The following GPHN variants were observed in gnomAD, a reference collection of about 807,000 sequenced individuals.
GPHN encodes gephyrin.
Under a neutral mutation model 95.5 loss-of-function variants are expected in GPHN, and 17 were observed. The observed-to-expected ratio is 0.18, with a 90% CI of 0.12 to 0.27. GPHN has a LOEUF of 0.27. GPHN is among the 10% of genes least tolerant of loss of function. GPHN has a pLI of 1.00. For synonymous variants in GPHN, 320 were observed against 322.5 expected (o/e 0.99, Z 0.08); for missense variants, 660 against 978.1 (o/e 0.67, Z 4.34).
intron 4 of GPHN, among the ~76,000 whole-genome samples, chr14:66,855,912 C>A (rs1596161553): frequency 2.0e-5 from 3 of 152,156 alleles, no homozygotes; most frequent in South Asian, 4.2e-4. Flanking sequence ...AGCCATTTGC[C>A]TAACATTAGG....
the GPHN span, among the ~76,000 whole-genome samples, chr14:67,273,742 G>C: frequency 5.3e-5 from 8 of 152,322 alleles, no homozygotes; most frequent in South Asian, 1.4e-3. Context: ...CCCAGCAACA[G>C]TGTAAAAGTG....
intron 9 of GPHN, among the ~76,000 whole-genome samples, chr14:67,020,906 T>TC (rs1260532969): frequency 6.6e-6 from 1 of 152,034 alleles, no homozygotes; most frequent in African/African-American, 2.4e-5. Context: ...TTCCTTTTTT[T>TC]CCCATAGAGT....
chr14:67,693,096 T>G, the GPHN span: 2 of 1,374,052 alleles, frequency 1.5e-6, no homozygotes, highest in Non-Finnish European at 2.1e-6. Context: ...CATTCTACTG[T>G]CTCAGCCAGT....
the GPHN span, among the ~76,000 whole-genome samples, chr14:67,597,302 A>T: frequency 6.6e-6 from 1 of 152,152 alleles, no homozygotes; most frequent in South Asian, 2.1e-4. Context: ...ACCTAGTGAG[A>T]CCCTGTCTCT....
chr14:67,257,524 A>C, the GPHN span, among the ~76,000 whole-genome samples: 1 of 152,296 alleles, frequency 6.6e-6, no homozygotes, highest in African/African-American at 2.4e-5. Context: ...GTGAGACACA[A>C]CTTGTGGAGA....
At position 66,962,337 on chromosome 14, in the gene GPHN, GTTTTTT is replaced by G. The variant is rs1244757295; in HGVS notation, c.829-2848_829-2843del. 2.2e-5 allele frequency among the ~76,000 whole-genome samples: 3 copies of G among 138,058 alleles called. No homozygotes were observed. The South Asian group carries it at 7.0e-4, about 32-fold the overall frequency. 90.6% of individuals were successfully genotyped at this position (138,058 alleles called of 152,430 possible). A position where few individuals can be genotyped will look rare whatever the true frequency, so the allele number is the denominator to read the frequency against. On this transcript the variant is annotated intron_variant, in intron 8 of 22. Coordinates refer to ENST00000478722, the MANE Select transcript of GPHN (RefSeq NM_020806.5). Reference sequence around the variant, plus strand: ...TGTATCTCCAGCATAGGCAGTTTTTGTTTTTTTTTTTAAGATTGGGGCAAAGATTTG... The same window carrying G: ...TGTATCTCCAGCATAGGCAGTTTTTGTTTTTAAGATTGGGGCAAAGATTTG...
At chr14:67,586,816 C>G in the GPHN span, 1 of 1,452,956 alleles carries the variant, frequency 6.9e-7, no homozygotes, top group Non-Finnish European at 9.1e-7. Flanking sequence ...GTAGAGCTAA[C>G]CAGAGCAGAA....
intron 10 of GPHN, among the ~76,000 whole-genome samples, chr14:67,035,115 A>C (rs1815534755): frequency 6.6e-6 from 1 of 152,020 alleles, no homozygotes; most frequent in African/African-American, 2.4e-5. Context: ...TGGAAGATAC[A>C]CAAATATGTG....
the GPHN span, among the ~76,000 whole-genome samples, chr14:67,668,534 A>G: frequency 2.6e-5 from 4 of 152,330 alleles, no homozygotes; most frequent in South Asian, 2.1e-4. Flanking sequence ...GGACAACAGA[A>G]TAGAAATAAA....
chr14:67,323,765 C>A, the GPHN span: 1 of 1,606,056 alleles, frequency 6.2e-7, no homozygotes, highest in Non-Finnish European at 8.5e-7. Context: ...ACCCCCTTCA[C>A]AAGAAAGACT....
chr14:66,617,083 G>A (rs981112905), intron 1 of GPHN, among the ~76,000 whole-genome samples: 4 of 152,144 alleles, frequency 2.6e-5, no homozygotes, highest in East Asian at 1.9e-4. Context: ...GGGGAAGCAC[G>A]TTGTCTGGGC....
Position 66,843,951 on chromosome 14 carries a change from TTTA to T in GPHN, c.294+19391_294+19393del, listed in dbSNP as rs529999803. Among the ~76,000 whole-genome samples the T allele has an allele frequency of 1.6e-3, 244 of 152,260 alleles. 1 individual carries two copies. Among genetic ancestry groups the T allele is most frequent in the African/African-American group, 5.8e-3 (241 of 41,582 alleles). ...TCCATATACTAAAATTATTTCTTAA[TTTA>T]TTATTCCTAAATTTTCCAGGGTTTT... is the stretch of plus-strand genomic sequence containing the variant. On this transcript the variant is annotated intron_variant, in intron 4 of 22. Coordinates refer to ENST00000478722, the MANE Select transcript of GPHN (RefSeq NM_020806.5).
At chr14:67,484,320 G>A in the GPHN span, among the ~76,000 whole-genome samples, 128 of 152,366 alleles carry the variant, frequency 8.4e-4, no homozygotes, top group Non-Finnish European at 1.5e-3. Context: ...GGATGGATGA[G>A]TGGGCCCAAA....
intron 2 of GPHN, among the ~76,000 whole-genome samples, chr14:66,722,752 T>C (rs1371016198): frequency 6.6e-6 from 1 of 152,150 alleles, no homozygotes; most frequent in African/African-American, 2.4e-5. Flanking sequence ...CACTAAAGCT[T>C]ATTAAAAAAC....
intron 5 of GPHN, among the ~76,000 whole-genome samples, chr14:66,892,814 GGT>G (rs1029680361): frequency 2.0e-5 from 3 of 152,268 alleles, no homozygotes; most frequent in Admixed American, 2.0e-4. Flanking sequence ...GATGGACAGT[GGT>G]GATGGTTGCA....
the GPHN span, among the ~76,000 whole-genome samples, chr14:67,446,751 A>T: frequency 6.6e-6 from 1 of 152,234 alleles, no homozygotes; most frequent in Non-Finnish European, 1.5e-5. Flanking sequence ...GGTGGGCTGA[A>T]GCTAACAGGG....
the GPHN span, among the ~76,000 whole-genome samples, chr14:67,639,381 G>A: frequency 2.6e-5 from 4 of 152,068 alleles, no homozygotes; most frequent in Non-Finnish European, 5.9e-5. Flanking sequence ...GTTCTGAAAC[G>A]TTAGTTAATA....
At chr14:67,597,477 C>CA in the GPHN span, among the ~76,000 whole-genome samples, 72 of 144,660 alleles carry the variant, frequency 5.0e-4, no homozygotes, top group Admixed American at 4.5e-3. Flanking sequence ...GAACCTGTCT[C>CA]AAAAAAAACA....
chr14:66,704,233 C>A (rs765687805), intron 2 of GPHN, among the ~76,000 whole-genome samples: 2 of 152,062 alleles, frequency 1.3e-5, no homozygotes, highest in Non-Finnish European at 2.9e-5. Context: ...GACTTTAACA[C>A]CCCACTGTCA....
Sources: allele counts gnomAD v4.1 joint callset (sites outside exome capture counted in the v4.1 genomes callset), GRCh38; gene constraint gnomAD v4.1.1; transcripts MANE v1.5; gene names NCBI Gene and HGNC (gene_info 2026-07-23, HGNC 2026-07-21).